The following TTC5 variants were observed in gnomAD, a reference collection of about 807,000 sequenced individuals.
TTC5 encodes the protein tetratricopeptide repeat domain 5.
Under a neutral mutation model 57.4 loss-of-function variants are expected in TTC5, and 46 were observed. The observed-to-expected ratio is 0.80, with a 90% CI of 0.63 to 1.03. The LOEUF is 1.03. Ranked by LOEUF, TTC5 falls within the 50% of genes least tolerant of loss-of-function variation. The probability of loss-of-function intolerance (pLI) is 0.00; values close to 1 mark genes in which losing one functional copy is unlikely to be tolerated. For missense variants in TTC5, 504 were observed against 528.1 expected (o/e 0.95, Z 0.45); for synonymous variants, 190 against 203.5 (o/e 0.93, Z 0.57).
intron 9 of TTC5, among the ~76,000 whole-genome samples, chr14:20,290,097 A>G (rs1881924219): frequency 6.6e-6 from 1 of 152,238 alleles, no homozygotes; most frequent in African/African-American, 2.4e-5. Context: ...TTAACTAGAT[A>G]CACATAGCAG....
In TTC5 at chr14:20,291,434, T is replaced by C. The variant is rs1369551798; in HGVS notation, c.1203+549A>G. Among the ~76,000 whole-genome samples the C allele has an allele frequency of 2.6e-5, 4 of 152,216 alleles. No homozygotes were observed. The East Asian group carries it at 5.8e-4, about 22-fold the overall frequency. ...CTTTGCCAACCTCTGATCTAAATGG[T>C]TAAACAGTAGTTAAATATCTACATT... On this transcript the variant is annotated intron_variant, in intron 9 of 9. Coordinates refer to ENST00000258821, the MANE Select transcript of TTC5 (RefSeq NM_138376.3).
chr14:20,291,026 T>C (rs1370496514), intron 9 of TTC5, among the ~76,000 whole-genome samples: 2 of 152,186 alleles, frequency 1.3e-5, no homozygotes, highest in African/African-American at 4.8e-5. Context: ...TGTCCATTTT[T>C]TTCACTTAAC....
intron 8 of TTC5, chr14:20,295,061 T>G (rs1308294219): frequency 1.1e-5 from 5 of 445,294 alleles, no homozygotes; most frequent in Non-Finnish European, 2.0e-5. Context: ...ATTTCAACTA[T>G]GGATATAGGA....
At position 20,305,868 on chromosome 14, in the gene TTC5, A is replaced by T; in HGVS notation, c.51+19T>A. ...TCGGAGTAACAAAAACACATACAGAATTTAATCTACGGCCCCACCTGCAAT... is the reference window on the plus strand; with the variant it reads ...TCGGAGTAACAAAAACACATACAGATTTTAATCTACGGCCCCACCTGCAAT... On this transcript the variant is annotated intron_variant, in intron 1 of 9. Coordinates refer to ENST00000258821, the MANE Select transcript of TTC5 (RefSeq NM_138376.3). 3.1e-6 allele frequency: 5 copies of T among 1,613,458 alleles called. No homozygotes were observed. Among genetic ancestry groups the T allele is most frequent in the Non-Finnish European group, 4.2e-6 (5 of 1,179,462 alleles).
At position 20,295,404 on chromosome 14, in the gene TTC5, C is replaced by G. The variant is rs1373073540; in HGVS notation, c.966G>C (p.Lys322Asn). The G allele has an allele frequency of 6.2e-7, 1 of 1,614,176 alleles. No homozygotes were observed. Reference sequence around the variant, plus strand: ...CCCCAGGCTGAAGCGTACTCAGTGGCTTGAGCTCCAGGGTCACTTTCTGCC... The same window carrying G: ...CCCCAGGCTGAAGCGTACTCAGTGGGTTGAGCTCCAGGGTCACTTTCTGCC... ...ASGQKVTLEL[K>N]PLSTLQPGVN... Residue 322 changes from lysine (K) to asparagine (N), a missense_variant, in exon 8 of 10, where the codon AAG becomes AAC. Physicochemically the swap from Lys to Asn is moderately conservative, Grantham distance 94. Coordinates refer to ENST00000258821, the MANE Select transcript of TTC5 (RefSeq NM_138376.3).
At chr14:20,299,277 A>C in intron 4 of TTC5, 21 bp downstream of exon 4, 1 of 1,608,644 alleles carries the variant, frequency 6.2e-7, no homozygotes, top group Non-Finnish European at 8.5e-7. Context: ...AACCTGTTGG[A>C]GATCTTTTGA....
In TTC5 at chr14:20,286,294, A is replaced by C. The variant is rs1292862254; in HGVS notation, c.*3333T>G. 6.6e-6 allele frequency: 1 copy of C among 152,180 alleles called. No homozygotes were observed. Among genetic ancestry groups the C allele is most frequent in the East Asian group, 1.9e-4 (1 of 5,198 alleles). 9.4% of individuals were successfully genotyped at this position (152,180 alleles called of 1,614,324 possible). On this transcript the variant is annotated 3_prime_UTR_variant, in exon 10 of 10. Transcript: ENST00000258821. ...GATTAGTATCCAGAACATGTAAGGA[A>C]TCAATAAGAAGACAACCCAATAAAA...
At chr14:20,302,049 G>A (rs1882204691) in intron 1 of TTC5, 84 bp from the exon 2 acceptor site, 5 of 1,463,530 alleles carry the variant, frequency 3.4e-6, no homozygotes, top group Middle Eastern at 2.3e-4. Flanking sequence ...CCAGCTCTTG[G>A]TCTAGAAATA....
chr14:20,300,734 T>C lies in TTC5; in HGVS notation c.269A>G (p.Glu90Gly). The change falls in exon 3 of 10, where the codon GAG becomes GGG. Residue 90 changes from glutamate to glycine, a missense_variant. Transcript: ENST00000258821. ...VTPDYSPKAE[E>G]LLSKAVKLEP... ...CAGCTTCACAGCCTTTGACAGAAGCTCCTCAGCCTTAGGGCTATAGTCAGG... is the reference window on the plus strand; with the variant it reads ...CAGCTTCACAGCCTTTGACAGAAGCCCCTCAGCCTTAGGGCTATAGTCAGG... The C allele has an allele frequency of 1.9e-6, 3 of 1,614,114 alleles. No homozygotes were observed. The highest frequency in any genetic ancestry group is 2.5e-6 in the Non-Finnish European group (3 of 1,180,008).
chr14:20,305,050 T>G (rs1163014260), intron 1 of TTC5, among the ~76,000 whole-genome samples: 1 of 152,166 alleles, frequency 6.6e-6, no homozygotes, highest in Non-Finnish European at 1.5e-5. Context: ...GAATTGAGAA[T>G]CTCTGATTTC....
chr14:20,296,291 C>T, intron 6 of TTC5, 99 bp downstream of exon 6: 1 of 980,980 alleles, frequency 1.0e-6, no homozygotes, highest in East Asian at 2.4e-5. Context: ...GCAGTCTGTA[C>T]CCAATCTTGT....
rs770182740 is a variant in TTC5 at position 20,301,846 on chromosome 14, C to T, written c.171G>A (p.Met57Ile). ...TAGGGCTCATACCCACTACTTCTTC[C>T]ATCTGCTGTAGGGTTTTCTCCATCT... ...QKEMEKTLQQMEEVVGSVQGK... is the reference protein window; with the variant it reads ...QKEMEKTLQQIEEVVGSVQGK... Residue 57 changes from methionine (M) to isoleucine (I), a missense_variant, in exon 2 of 10, where the codon ATG becomes ATA. Physicochemically the swap from Met to Ile is conservative, Grantham distance 10. Transcript: ENST00000258821. 5 of 1,613,908 alleles carry T rather than the reference C, an allele frequency of 3.1e-6. No individual in the cohort carries two copies. The African/African-American group carries it at 6.7e-5, about 22-fold the overall frequency.
chr14:20,304,459 T>C (rs546654566), intron 1 of TTC5, among the ~76,000 whole-genome samples: 1 of 152,334 alleles, frequency 6.6e-6, no homozygotes, highest in South Asian at 2.1e-4. Context: ...CTTTGAGAAA[T>C]ATCCATTTAT....
chr14:20,286,390 T>G lies in TTC5; in HGVS notation c.*3237A>C, dbSNP rs1881838428. The G allele has an allele frequency of 6.6e-6, 1 of 152,102 alleles. No individual in the cohort carries two copies. Among genetic ancestry groups the G allele is most frequent in the Non-Finnish European group, 1.5e-5 (1 of 68,014 alleles). 9.4% of individuals were successfully genotyped at this position (152,102 alleles called of 1,614,324 possible). ...TGGACAAAGAAATGTAATTTATGCC[T>G]ACTATGTGATATTTTATAATCATCT... On this transcript the variant is annotated 3_prime_UTR_variant, in exon 10 of 10. Transcript: ENST00000258821.
In TTC5 at chr14:20,300,155, A is replaced by AT. The variant is rs765208751; in HGVS notation, c.396+451dup. On this transcript the variant is annotated intron_variant, in intron 3 of 9. Transcript: ENST00000258821. ...ACGTCTGGTCCATGTATATATATATATTTTTTTTTTTTTTTTTTTTTTTTG... is the reference window on the plus strand; with the variant it reads ...ACGTCTGGTCCATGTATATATATATATTTTTTTTTTTTTTTTTTTTTTTTTG... Among the ~76,000 whole-genome samples the AT allele has an allele frequency of 2.6e-4, 23 of 89,332 alleles. 1 individual carries two copies. Among genetic ancestry groups the AT allele is most frequent in the African/African-American group, 6.3e-4 (14 of 22,072 alleles). 58.6% of individuals were successfully genotyped at this position (89,332 alleles called of 152,430 possible).
In TTC5 at chr14:20,286,937, C is replaced by T. The variant is rs1302596931; in HGVS notation, c.*2690G>A. ...AATAATCAGAAATGCAAATTAAGGC[C>T]ACAAGGAAATAATACTCAAATCTCC... On this transcript the variant is annotated 3_prime_UTR_variant, in exon 10 of 10. Coordinates refer to ENST00000258821, the MANE Select transcript of TTC5 (RefSeq NM_138376.3). 6.6e-6 allele frequency: 1 copy of T among 151,746 alleles called. No homozygotes were observed. The highest frequency in any genetic ancestry group is 1.5e-5 in the Non-Finnish European group (1 of 67,976). 9.4% of individuals were successfully genotyped at this position (151,746 alleles called of 1,614,324 possible).
chr14:20,291,189 G>T (rs1339994335), intron 9 of TTC5, among the ~76,000 whole-genome samples: 1 of 152,090 alleles, frequency 6.6e-6, no homozygotes, highest in Non-Finnish European at 1.5e-5. Flanking sequence ...TAGTAGCTGG[G>T]ACTACAGGCA....
Position 20,289,474 on chromosome 14 carries a change from G to C in TTC5, c.*153C>G. On this transcript the variant is annotated 3_prime_UTR_variant, in exon 10 of 10. Transcript: ENST00000258821. ...GAACATGATGAGGACAGAGGAGAGA[G>C]AAGAGATACGAAGTGTAATACAGGC... 2.3e-6 allele frequency: 2 copies of C among 870,612 alleles called. No homozygotes were observed. Among genetic ancestry groups the C allele is most frequent in the Middle Eastern group, 3.7e-4 (1 of 2,714 alleles). 53.9% of individuals were successfully genotyped at this position (870,612 alleles called of 1,614,324 possible).
At chr14:20,302,060 C>T in intron 1 of TTC5, 95 bp from the exon 2 acceptor site, 1 of 1,376,416 alleles carries the variant, frequency 7.3e-7, no homozygotes, top group Non-Finnish European at 1.0e-6. Flanking sequence ...TCTAGAAATA[C>T]CAATTCTCTT....
Sources: gnomAD v4.1 joint callset for allele counts (sites outside exome capture counted in the v4.1 genomes callset) on GRCh38, gnomAD v4.1.1 for gene constraint, MANE v1.5 for transcripts, NCBI Gene and HGNC (gene_info 2026-07-23, HGNC 2026-07-21) for gene names.